Variants in ASPSCR1 observed in about 807,000 individuals in gnomAD.
ASPSCR1 encodes the protein tether containing UBX domain for GLUT4.
Under a neutral mutation model 68.9 loss-of-function variants are expected in ASPSCR1, and 55 were observed. The observed-to-expected ratio is 0.80, with a 90% confidence interval of 0.64 to 1.00. The LOEUF (loss-of-function observed/expected upper bound fraction) is 1.00. ASPSCR1 is among the 50% of genes least tolerant of loss of function. The pLI is 0.00. For missense variants in ASPSCR1, 765 were observed against 762.2 expected (o/e 1.00, Z -0.04); for synonymous variants, 352 against 332.6 (o/e 1.06, Z -0.63).
chr17:81,983,310 G>A lies in ASPSCR1; in HGVS notation c.159-244G>A, dbSNP rs796412513. Among the ~76,000 whole-genome samples the A allele has an allele frequency of 6.6e-6, 1 of 152,150 alleles. No individual in the cohort carries two copies. Among genetic ancestry groups the A allele is most frequent in the African/African-American group, 2.4e-5 (1 of 41,444 alleles). Reference sequence around the variant, plus strand: ...ACTCTGAAGGAGCAGCCCCCTCGGCGTGCACCGAGGCCCACATCTCCCTTT... The same window carrying A: ...ACTCTGAAGGAGCAGCCCCCTCGGCATGCACCGAGGCCCACATCTCCCTTT... On this transcript the variant is annotated intron_variant, in intron 2 of 15. Coordinates refer to ENST00000306739, the MANE Select transcript of ASPSCR1 (RefSeq NM_024083.4). The surrounding 1 kb of genome is among the most constrained non-coding windows in gnomAD (Gnocchi z 4.4).
intron 11 of ASPSCR1, 116 bp from the exon 12 acceptor site, chr17:82,012,115 G>C: frequency 8.1e-7 from 1 of 1,235,234 alleles, no homozygotes; most frequent in Non-Finnish European, 1.2e-6. Flanking sequence ...TGCTCGTGAG[G>C]GGCTCTTCTG....
intron 3 of ASPSCR1, among the ~76,000 whole-genome samples, chr17:81,984,752 T>G (rs982251980): frequency 6.6e-6 from 1 of 151,452 alleles, no homozygotes; most frequent in Non-Finnish European, 1.5e-5. Flanking sequence ...CACAGTTCAC[T>G]CCTGTGGCGC....
intron 4 of ASPSCR1, among the ~76,000 whole-genome samples, chr17:81,994,267 G>A (rs1374161496): frequency 6.6e-6 from 1 of 152,230 alleles, no homozygotes; most frequent in Admixed American, 6.5e-5. Context: ...TTATAAGCAC[G>A]GCCTCCCCGG....
At chr17:82,014,728 C>G (rs1314739651) in intron 12 of ASPSCR1, 1 of 369,052 alleles carries the variant, frequency 2.7e-6, no homozygotes, top group Non-Finnish European at 5.0e-6. Context: ...CATGCAGCCC[C>G]TACAGAGTTG....
rs146269701 is a variant in ASPSCR1, at chr17:81,995,960, A to G, written c.433-32A>G. ...CCCTGGGCTCTGGGGTCCCGGTGCA[A>G]GGCGCACCTGTCCTGGCTGCTCCTC... is the stretch of plus-strand genomic sequence containing the variant. On this transcript the variant is annotated intron_variant, in intron 5 of 15. Coordinates refer to ENST00000306739, the MANE Select transcript of ASPSCR1 (RefSeq NM_024083.4). 1.2e-4 allele frequency: 186 copies of G among 1,599,676 alleles called. 1 individual carries two copies. The African/African-American group carries it at 2.0e-3, about 18-fold the overall frequency.
chr17:81,989,875 CCTCCCGGGTTCAAGCAATT>C (rs1161282873), intron 4 of ASPSCR1, among the ~76,000 whole-genome samples: 2 of 152,210 alleles, frequency 1.3e-5, no homozygotes, highest in Non-Finnish European at 2.9e-5. Flanking sequence ...GCAACCTCCG[CCTCCCGGGTTCAAGCAATT>C]CTCCTGCCTC....
Position 82,000,981 on chromosome 17 carries a change from C to T in ASPSCR1, c.933+4135C>T, listed in dbSNP as rs75338132. ...GGCTGGGTCTGCCCGCACGGGCTGG[C>T]GGCTGCTGCCCTGCCTGCCCCTCCC... On this transcript the variant is annotated intron_variant, in intron 7 of 15. Transcript: ENST00000306739. 1.8e-3 allele frequency among the ~76,000 whole-genome samples: 270 copies of T among 152,184 alleles called. 7 individuals are homozygous for T. In the East Asian group the frequency reaches 0.046, roughly 26 times the overall value.
At position 82,017,328 on chromosome 17, in the gene ASPSCR1, G is replaced by A; in HGVS notation, c.*6G>A. ...CTACAGCCAGCAAGAGGTGAGAGCT[G>A]CCAGCCTGAGGTGCCCACTCCGCCA... On this transcript the variant is annotated 3_prime_UTR_variant, in exon 16 of 16. Transcript: ENST00000306739. The A allele has an allele frequency of 6.2e-7, 1 of 1,611,176 alleles. No homozygotes were observed. The highest frequency in any genetic ancestry group is 8.5e-7 in the Non-Finnish European group (1 of 1,179,924).
chr17:81,991,798 G>A (rs537429692), intron 4 of ASPSCR1, among the ~76,000 whole-genome samples: 37 of 152,378 alleles, frequency 2.4e-4, no homozygotes, highest in Admixed American at 4.6e-4. Context: ...CCGGCAGGGC[G>A]CATGCTGCTG....
chr17:81,985,141 C>T (rs975728302), intron 3 of ASPSCR1, among the ~76,000 whole-genome samples: 5 of 149,362 alleles, frequency 3.3e-5, no homozygotes, highest in Admixed American at 2.0e-4. Flanking sequence ...CACACACGCA[C>T]ATCTGCACGC....
At chr17:81,997,106 G>A (rs1210351814) in intron 7 of ASPSCR1, among the ~76,000 whole-genome samples, 1 of 94,680 alleles carries the variant, frequency 1.1e-5, no homozygotes, top group East Asian at 2.3e-4. Context: ...GGCCGTGTCC[G>A]CTCCGGGATG....
intron 11 of ASPSCR1, chr17:82,011,950 C>G (rs1184050394): frequency 3.3e-6 from 2 of 614,684 alleles, no homozygotes; most frequent in African/African-American, 3.7e-5. Context: ...TGGCTGGCCT[C>G]CCTTGGAGGG....
intron 7 of ASPSCR1, chr17:82,005,098 C>T (rs1473530824): frequency 6.6e-6 from 1 of 152,310 alleles, no homozygotes; most frequent in Admixed American, 6.5e-5. Context: ...TCTGCCAGAG[C>T]AGGCAGCTTC....
At chr17:81,978,193 T>C (rs1310915167) in intron 1 of ASPSCR1, 2 of 152,826 alleles carry the variant, frequency 1.3e-5, no homozygotes, top group East Asian at 3.9e-4. Flanking sequence ...CACTGCACTT[T>C]TACTTGGGCA....
rs2042008586 is a variant in ASPSCR1, at chr17:81,986,852, G to A, written c.374+1245G>A. On this transcript the variant is annotated intron_variant, in intron 4 of 15. Coordinates refer to ENST00000306739, the MANE Select transcript of ASPSCR1 (RefSeq NM_024083.4). The surrounding 1 kb of genome is among the most constrained non-coding windows in gnomAD (Gnocchi z 5.2). ...GCTGCATGGCACGGGTGTTGCGTTC[G>A]TGGGTGAGAGCGCTGAGGTCTGCAC... is the stretch of plus-strand genomic sequence containing the variant. 6.6e-6 allele frequency among the ~76,000 whole-genome samples: 1 copy of A among 151,812 alleles called. No individual in the cohort carries two copies. Among genetic ancestry groups the A allele is most frequent in the Non-Finnish European group, 1.5e-5 (1 of 67,956 alleles).
chr17:82,013,935 C>T (rs1345031835), intron 12 of ASPSCR1: 2 of 152,312 alleles, frequency 1.3e-5, no homozygotes, highest in African/African-American at 4.8e-5. Context: ...TGAGGAAGGT[C>T]ACCCTGGGCT....
In ASPSCR1 at chr17:82,016,986, T is replaced by G. The variant is rs377398059; in HGVS notation, c.1521T>G (p.Pro507=). The part of the protein sequence containing the change: ...AAGSPSPLPA[P]DPAPKSEPAA... ...GGTCCCCTTCCCCATTGCCAGCCCCTGACCCTGCACCTAAGTCTGAGCCAG... is the reference window on the plus strand; with the variant it reads ...GGTCCCCTTCCCCATTGCCAGCCCCGGACCCTGCACCTAAGTCTGAGCCAG... Residue 507 remains proline (P), a synonymous_variant, in exon 15 of 16, where the codon CCT becomes CCG. Coordinates refer to ENST00000306739, the MANE Select transcript of ASPSCR1 (RefSeq NM_024083.4). 1.2e-6 allele frequency: 2 copies of G among 1,612,520 alleles called. No individual in the cohort carries two copies. Among genetic ancestry groups the G allele is most frequent in the East Asian group, 4.5e-5 (2 of 44,868 alleles).
chr17:82,004,459 G>T (rs2042641572), intron 7 of ASPSCR1: 1 of 152,376 alleles, frequency 6.6e-6, no homozygotes, highest in Non-Finnish European at 1.5e-5. Context: ...GACAGGAAGG[G>T]GCTAAAGGGG....
rs2042822666 is a variant in ASPSCR1, at chr17:82,009,073, G to C, written c.970G>C (p.Val324Leu). Residue 324 changes from valine (V) to leucine (L), a missense_variant, in exon 8 of 16, where the codon GTG becomes CTG. Coordinates refer to ENST00000306739, the MANE Select transcript of ASPSCR1 (RefSeq NM_024083.4). ...GGAGCCCGTGGACCGGGAGCCGGTG[G>C]TGTGCCACCCCGACCTGGAGGAGCG... is the stretch of plus-strand genomic sequence containing the variant. ...DREPVDREPVVCHPDLEERLQ... is the reference protein window; with the variant it reads ...DREPVDREPVLCHPDLEERLQ... 1.3e-6 allele frequency: 2 copies of C among 1,573,510 alleles called. No homozygotes were observed. Among genetic ancestry groups the C allele is most frequent in the Non-Finnish European group, 1.7e-6 (2 of 1,160,194 alleles).
Sources: allele counts gnomAD v4.1 joint callset (sites outside exome capture counted in the v4.1 genomes callset), GRCh38; gene constraint gnomAD v4.1.1; non-coding constraint Gnocchi (gnomAD v3.1); transcripts MANE v1.5; gene names NCBI Gene and HGNC (gene_info 2026-07-23, HGNC 2026-07-21).